The following DENND5A variants were observed in gnomAD, a reference collection of about 807,000 sequenced individuals.
The protein encoded by DENND5A is DENN domain containing 5A, also known as DENN domain-containing protein 5A.
In DENND5A, 64 loss-of-function variants were observed where a neutral mutation model predicts 140.3. The observed-to-expected ratio is 0.46, with a 90% CI of 0.37 to 0.56. The LOEUF (loss-of-function observed/expected upper bound fraction) is 0.56, where lower values mean the gene tolerates loss of function less well. DENND5A is among the 20% of genes least tolerant of loss of function. DENND5A has a pLI of 0.00. For missense variants in DENND5A, 1,292 were observed against 1,593.8 expected (o/e 0.81, Z 3.22); for synonymous variants, 605 against 607.7 (o/e 1.00, Z 0.07).
Position 9,178,986 on chromosome 11 carries a change from G to C in DENND5A, c.1543C>G (p.Gln515Glu), listed in dbSNP as rs535381630. ...CGATTTGCAAAAACTTCCCGGATCT[G>C]AATGTTTAGCTGGTAAATCCTGAGT... Reference protein sequence around the residue: ...EELRIYQLNIQIREVFANRFT... With the variant: ...EELRIYQLNIEIREVFANRFT... Residue 515 changes from glutamine to glutamate, a missense_variant, in exon 7 of 23, where the codon CAG becomes GAG. By Grantham distance (29) the Gln-to-Glu change is conservative. Transcript: ENST00000328194. The C allele has an allele frequency of 1.9e-6, 3 of 1,614,142 alleles. No individual in the cohort carries two copies. The highest frequency in any genetic ancestry group is 4.5e-5 in the East Asian group (2 of 44,868).
At chr11:9,211,977 A>T (rs1471639232) in intron 1 of DENND5A, among the ~76,000 whole-genome samples, 1 of 152,056 alleles carries the variant, frequency 6.6e-6, no homozygotes, top group Non-Finnish European at 1.5e-5. Context: ...CAGACATTAC[A>T]ATGCAGTGGG....
Position 9,150,089 on chromosome 11 carries a change from C to G in DENND5A, c.2727G>C (p.Glu909Asp). 1.2e-6 allele frequency: 2 copies of G among 1,612,652 alleles called. No homozygotes were observed. The highest frequency in any genetic ancestry group is 1.7e-6 in the Non-Finnish European group (2 of 1,179,194). Residue 909 changes from glutamate (E) to aspartate (D), a missense_variant, in exon 15 of 23, where the codon GAG becomes GAC. Physicochemically the swap from Glu to Asp is conservative, Grantham distance 45. Coordinates refer to ENST00000328194, the MANE Select transcript of DENND5A (RefSeq NM_015213.4). ...TGGCGGAGCAGCCTTACTTGGTGAG[C>G]TCATGGTCTGAGAGGAGCTGCTTCA... ...RHLKQLLSDH[E>D]LTKKLYKRYA... is the part of the protein sequence containing the mutation.
chr11:9,203,509 T>C, intron 4 of DENND5A, 151 bp downstream of exon 4: 1 of 778,258 alleles, frequency 1.3e-6, no homozygotes, highest in South Asian at 1.9e-5. Context: ...CTCATGTCTA[T>C]CAATTTGCCA....
intron 10 of DENND5A, among the ~76,000 whole-genome samples, chr11:9,169,085 A>G (rs12420638): frequency 0.013 from 2,030 of 152,300 alleles, 62 homozygotes; most frequent in Admixed American, 0.055. Flanking sequence ...AGAAGAAGAA[A>G]AAAAAAGTCA....
intron 1 of DENND5A, among the ~76,000 whole-genome samples, chr11:9,230,234 T>C (rs1347369690): frequency 3.0e-5 from 1 of 33,340 alleles, no homozygotes; most frequent in African/African-American, 1.6e-4. Context: ...CTAATGCTTT[T>C]TTTTTTTTTT....
intron 6 of DENND5A, among the ~76,000 whole-genome samples, chr11:9,180,193 C>T (rs1848681325): frequency 1.3e-5 from 2 of 152,036 alleles, no homozygotes; most frequent in South Asian, 2.1e-4. Flanking sequence ...GTGGCTCACA[C>T]TTATAATCCC....
At chr11:9,144,927 C>A in intron 18 of DENND5A, 68 bp downstream of exon 18, 1 of 1,157,438 alleles carries the variant, frequency 8.6e-7, no homozygotes, top group East Asian at 2.3e-5. Context: ...ACTCCACATA[C>A]CCAAGCATCG....
chr11:9,243,120 A>G (rs1851317077), intron 1 of DENND5A, among the ~76,000 whole-genome samples: 1 of 141,222 alleles, frequency 7.1e-6, no homozygotes, highest in East Asian at 2.1e-4. Flanking sequence ...AAAAAAACTG[A>G]GGCGAGTAAG....
At chr11:9,233,996 G>A (rs569023240) in intron 1 of DENND5A, among the ~76,000 whole-genome samples, 134 of 152,048 alleles carry the variant, frequency 8.8e-4, no homozygotes, top group Non-Finnish European at 2.8e-4. Context: ...TGGCCAACAT[G>A]GTGAAACCCC....
At chr11:9,189,059 T>G (rs531039963) in intron 5 of DENND5A, among the ~76,000 whole-genome samples, 2 of 152,314 alleles carry the variant, frequency 1.3e-5, no homozygotes, top group Non-Finnish European at 2.9e-5. Context: ...TTCGTGGGCC[T>G]GACACAGGGT....
intron 14 of DENND5A, 45 bp from the exon 15 acceptor site, chr11:9,150,254 T>G (rs1285871980): frequency 6.2e-7 from 1 of 1,602,936 alleles, no homozygotes; most frequent in Admixed American, 1.7e-5. Flanking sequence ...GGATGGGAGA[T>G]GAACTCACTG....
At chr11:9,168,814 A>G (rs1201301974) in intron 10 of DENND5A, among the ~76,000 whole-genome samples, 1 of 152,248 alleles carries the variant, frequency 6.6e-6, no homozygotes, top group African/African-American at 2.4e-5. Context: ...CTCTCTGTGC[A>G]AGATGAAAAT....
chr11:9,175,702 C>G (rs1265614709), intron 8 of DENND5A: 1 of 152,006 alleles, frequency 6.6e-6, no homozygotes, highest in South Asian at 2.1e-4. Flanking sequence ...AGACTAATAA[C>G]ATTTTGACAA....
chr11:9,262,439 A>G (rs118173764), intron 1 of DENND5A, among the ~76,000 whole-genome samples: 123 of 152,252 alleles, frequency 8.1e-4, no homozygotes, highest in Middle Eastern at 3.4e-3. Flanking sequence ...TGTTTTTAAT[A>G]TTTCTCAACA....
chr11:9,170,960 C>T, intron 8 of DENND5A, 183 bp from the exon 9 acceptor site: 1 of 1,044,050 alleles, frequency 9.6e-7, no homozygotes, highest in Non-Finnish European at 1.3e-6. Context: ...AAATGATAAA[C>T]TTCAGAATAC....
intron 4 of DENND5A, among the ~76,000 whole-genome samples, chr11:9,194,926 C>T (rs1254109897): frequency 1.3e-5 from 2 of 151,076 alleles, no homozygotes; most frequent in African/African-American, 4.9e-5. Flanking sequence ...ACCACCTCGG[C>T]CAGGCTGGTC....
intron 12 of DENND5A, among the ~76,000 whole-genome samples, chr11:9,156,870 TGGAA>T (rs3074636): frequency 0.046 from 6,524 of 142,582 alleles, 130 homozygotes; most frequent in African/African-American, 0.056. Context: ...GAAGGATGGA[TGGAA>T]GGAAGGAAGG....
chr11:9,150,080 C>G lies in DENND5A; in HGVS notation c.2735+1G>C. ...TTCTACTCCTGGCGGAGCAGCCTTA[C>G]TTGGTGAGCTCATGGTCTGAGAGGA... On this transcript the variant is annotated splice_donor_variant, in intron 15 of 22. Transcript: ENST00000328194. LOFTEE classifies it high-confidence loss of function. 1 of 1,610,922 alleles carries G rather than the reference C, an allele frequency of 6.2e-7. No homozygotes were observed. Among genetic ancestry groups the G allele is most frequent in the East Asian group, 2.2e-5 (1 of 44,824 alleles).
At chr11:9,200,153 T>C (rs2136206020) in intron 4 of DENND5A, among the ~76,000 whole-genome samples, 1 of 152,316 alleles carries the variant, frequency 6.6e-6, no homozygotes, top group Non-Finnish European at 1.5e-5. Context: ...ATTATGTTCA[T>C]CATATTTGTT....
Sources: gnomAD v4.1 joint callset for allele counts (sites outside exome capture counted in the v4.1 genomes callset) on GRCh38, gnomAD v4.1.1 for gene constraint, MANE v1.5 for transcripts, NCBI Gene and HGNC (gene_info 2026-07-23, HGNC 2026-07-21) for gene names.